The following PYGO1 variants were observed in gnomAD, a reference collection of about 807,000 sequenced individuals.
The protein encoded by PYGO1 is pygopus homolog 1.
A neutral mutation model predicts 29.5 loss-of-function variants in PYGO1; 6 were observed. The ratio of observed to expected loss-of-function variants is 0.20; its 90% CI spans 0.11 to 0.40. The LOEUF (loss-of-function observed/expected upper bound fraction) is 0.40. PYGO1 is among the 10% of genes least tolerant of loss of function. The pLI, the probability that PYGO1 is intolerant of heterozygous loss-of-function variation, is 1.00. For missense variants in PYGO1, 515 were observed against 514.9 expected (o/e 1.00, Z 0.00); for synonymous variants, 186 against 180.5 (o/e 1.03, Z -0.24).
At chr15:55,583,085 C>A (rs964740875) in intron 1 of PYGO1, among the ~76,000 whole-genome samples, 1 of 152,092 alleles carries the variant, frequency 6.6e-6, no homozygotes, top group African/African-American at 2.4e-5. Flanking sequence ...CTCTAAATTT[C>A]TTTCTTTCTC....
rs768837584 is a variant in PYGO1, at chr15:55,546,874, C to A, written c.409G>T (p.Gly137Cys). ...GCATGAGGTCGATTAAAACCCATGCCCAGAGGATTCTGAGGAAATGGGTGT... is the reference window on the plus strand; with the variant it reads ...GCATGAGGTCGATTAAAACCCATGCACAGAGGATTCTGAGGAAATGGGTGT... Reference protein sequence around the residue: ...QPHPFPQNPLGMGFNRPHAFN... With the variant: ...QPHPFPQNPLCMGFNRPHAFN... Residue 137 changes from glycine (G) to cysteine (C), a missense_variant, in exon 3 of 3, where the codon GGC (glycine) becomes TGC (cysteine). Coordinates refer to ENST00000563719, the MANE Select transcript of PYGO1 (RefSeq NM_001367806.1). The A allele has an allele frequency of 6.2e-7, 1 of 1,613,760 alleles. No individual in the cohort carries two copies. Among genetic ancestry groups the A allele is most frequent in the Non-Finnish European group, 8.5e-7 (1 of 1,179,994 alleles).
chr15:55,573,310 A>G (rs1179805489), intron 1 of PYGO1, among the ~76,000 whole-genome samples: 1 of 148,982 alleles, frequency 6.7e-6, no homozygotes, highest in Non-Finnish European at 1.5e-5. Context: ...CATCTCAAAA[A>G]AGGAAAAAAA....
At chr15:55,582,211 A>AAG (rs1163429980) in intron 1 of PYGO1, among the ~76,000 whole-genome samples, 1 of 151,360 alleles carries the variant, frequency 6.6e-6, no homozygotes, top group African/African-American at 2.4e-5. Context: ...CATCTCAAAA[A>AAG]AAAAAAAAAA....
intron 2 of PYGO1, among the ~76,000 whole-genome samples, chr15:55,548,556 A>T (rs1414950773): frequency 6.6e-6 from 1 of 151,464 alleles, no homozygotes; most frequent in Non-Finnish European, 1.5e-5. Flanking sequence ...AAATACAAAA[A>T]TTAGCTGGGC....
intron 1 of PYGO1, among the ~76,000 whole-genome samples, chr15:55,553,349 TC>T (rs982019121): frequency 2.7e-5 from 4 of 150,884 alleles, no homozygotes; most frequent in Non-Finnish European, 5.9e-5. Flanking sequence ...AAAGAAGGAT[TC>T]CCCCCAGTGC....
intron 1 of PYGO1, among the ~76,000 whole-genome samples, chr15:55,564,911 A>G (rs555921344): frequency 5.9e-5 from 9 of 152,108 alleles, no homozygotes; most frequent in South Asian, 2.1e-4. Context: ...GCCAAATTCA[A>G]TTCCCTGTGG....
Position 55,587,721 on chromosome 15 carries a change from G to A in PYGO1, c.49+114C>T, listed in dbSNP as rs1567062314. ...CGGCCCCGGGGTGCCGGCGGGACGC[G>A]GGCTGCGCGGACTTAGGCCCGGACA... is the stretch of plus-strand genomic sequence containing the variant. On this transcript the variant is annotated intron_variant, in intron 1 of 2. Coordinates refer to ENST00000563719, the MANE Select transcript of PYGO1 (RefSeq NM_001367806.1). 5.8e-6 allele frequency: 7 copies of A among 1,209,846 alleles called. No homozygotes were observed. The African/African-American group carries it at 7.9e-5, about 14-fold the overall frequency. 74.9% of individuals were successfully genotyped at this position (1,209,846 alleles called of 1,614,324 possible).
chr15:55,568,412 TG>T (rs1485494148), intron 1 of PYGO1, among the ~76,000 whole-genome samples: 3 of 151,720 alleles, frequency 2.0e-5, no homozygotes, highest in Non-Finnish European at 2.9e-5. Context: ...TGTATATTAC[TG>T]GTATATTGAA....
chr15:55,553,399 CTT>C (rs199785590), intron 1 of PYGO1, among the ~76,000 whole-genome samples: 13 of 143,262 alleles, frequency 9.1e-5, no homozygotes, highest in East Asian at 4.0e-4. Context: ...AGACTGCTTC[CTT>C]TTTTTTTTTT....
rs907553434 is a variant in PYGO1 at position 55,588,234 on chromosome 15, C to T, written c.-351G>A. Reference sequence around the variant, plus strand: ...CACTCCTTCTTCTTCGCCGCCGCCTCAGGAGCCGCTGACAGGGGAAGCAGG... The same window carrying T: ...CACTCCTTCTTCTTCGCCGCCGCCTTAGGAGCCGCTGACAGGGGAAGCAGG... On this transcript the variant is annotated 5_prime_UTR_variant, in exon 1 of 3. Coordinates refer to ENST00000563719, the MANE Select transcript of PYGO1 (RefSeq NM_001367806.1). Among the ~76,000 whole-genome samples, 3 of 149,444 alleles carry T rather than the reference C, an allele frequency of 2.0e-5. No homozygotes were observed. Among genetic ancestry groups the T allele is most frequent in the Admixed American group, 2.0e-4 (3 of 15,060 alleles).
At chr15:55,583,900 T>G (rs567441607) in intron 1 of PYGO1, among the ~76,000 whole-genome samples, 1 of 152,274 alleles carries the variant, frequency 6.6e-6, no homozygotes, top group Admixed American at 6.5e-5. Flanking sequence ...TTCTCACATT[T>G]TTATCTCCTC....
At chr15:55,588,860 T>A, upstream of PYGO1, 1 of 1,613,560 alleles carries the variant, frequency 6.2e-7, no homozygotes, top group East Asian at 2.2e-5. Flanking sequence ...CATGTGGGGA[T>A]CCAGATTCCC....
At chr15:55,570,927 T>C (rs1264852395) in intron 1 of PYGO1, among the ~76,000 whole-genome samples, 1 of 152,172 alleles carries the variant, frequency 6.6e-6, no homozygotes, top group Non-Finnish European at 1.5e-5. Flanking sequence ...TACAGTTCAG[T>C]GGTATTAAGT....
At chr15:55,549,736 G>C (rs2058870424) in intron 1 of PYGO1, among the ~76,000 whole-genome samples, 2 of 152,280 alleles carry the variant, frequency 1.3e-5, no homozygotes, top group East Asian at 1.9e-4. Flanking sequence ...GAAAGCAAAA[G>C]CTTGACTATC....
intron 2 of PYGO1, among the ~76,000 whole-genome samples, chr15:55,548,707 T>TAAAAAAAAAAAAAAAAAAAAAAAAA (rs60796044): frequency 1.8e-5 from 1 of 55,432 alleles, no homozygotes; most frequent in Non-Finnish European, 3.0e-5. Context: ...AGAATCCACC[T>TAAAAAAAAAAAAAAAAAAAAAAAAA]AAAAAAAAAA....
At chr15:55,549,986 C>T (rs2058871551) in intron 1 of PYGO1, among the ~76,000 whole-genome samples, 1 of 152,086 alleles carries the variant, frequency 6.6e-6, no homozygotes, top group Non-Finnish European at 1.5e-5. Flanking sequence ...GTAAATATTT[C>T]AGAATGTATT....
intron 1 of PYGO1, among the ~76,000 whole-genome samples, chr15:55,554,224 G>T (rs1193271775): frequency 6.6e-6 from 1 of 152,068 alleles, no homozygotes; most frequent in African/African-American, 2.4e-5. Flanking sequence ...CAGCACTTTG[G>T]GAGGCCAAGG....
Position 55,540,478 on chromosome 15 carries a change from A to AATTTTAAG in PYGO1, c.*5537_*5544dup. On this transcript the variant is annotated 3_prime_UTR_variant, in exon 3 of 3. Transcript: ENST00000563719. ...AGTATACCTGTAAGTGGAAAATAAA[A>AATTTTAAG]ATTTTAAGATTTATTGTATTACAAG... 6.6e-6 allele frequency: 1 copy of AATTTTAAG among 152,046 alleles called. No individual in the cohort carries two copies. The highest frequency in any genetic ancestry group is 1.9e-4 in the East Asian group (1 of 5,196). The allele number at this position is 152,046 out of a possible 1,614,324, so 9.4% of individuals were successfully genotyped here.
intron 1 of PYGO1, among the ~76,000 whole-genome samples, chr15:55,576,502 G>A (rs1038982386): frequency 8.2e-5 from 12 of 146,034 alleles, no homozygotes; most frequent in African/African-American, 3.0e-4. Flanking sequence ...CGGGCATGGT[G>A]GCTCATGCCT....
Sources: gnomAD v4.1 joint callset for allele counts (sites outside exome capture counted in the v4.1 genomes callset) on GRCh38, gnomAD v4.1.1 for gene constraint, MANE v1.5 for transcripts, NCBI Gene and HGNC (gene_info 2026-07-23, HGNC 2026-07-21) for gene names.